STAG1: variants seen among roughly 807,000 people sequenced by gnomAD.
STAG1 encodes cohesin subunit SA-1.
A neutral mutation model predicts 170.9 loss-of-function variants in STAG1; 26 were observed. The ratio of observed to expected loss-of-function variants is 0.15; its 90% CI spans 0.11 to 0.21. The LOEUF is 0.21. Among genes scored for constraint, STAG1 ranks in the 10% least tolerant of loss-of-function variants. The pLI, the probability that STAG1 is intolerant of heterozygous loss-of-function variation, is 1.00. For synonymous variants in STAG1, 514 were observed against 497.7 expected (o/e 1.03, Z -0.44); for missense variants, 964 against 1,509.5 (o/e 0.64, Z 5.99).
At chr3:136,606,242 G>A (rs2107810496) in intron 3 of STAG1, among the ~76,000 whole-genome samples, 1 of 151,468 alleles carries the variant, frequency 6.6e-6, no homozygotes. Context: ...AGGCTGGAGT[G>A]CAGTGACACA....
chr3:136,505,847 A>C (rs978475358), intron 7 of STAG1, among the ~76,000 whole-genome samples: 1 of 152,216 alleles, frequency 6.6e-6, no homozygotes, highest in Non-Finnish European at 1.5e-5. Context: ...AAGTGAAGGA[A>C]TGGTCACATG....
chr3:136,382,647 G>T (rs1042713979), intron 22 of STAG1, among the ~76,000 whole-genome samples: 1 of 151,996 alleles, frequency 6.6e-6, no homozygotes, highest in Non-Finnish European at 1.5e-5. Context: ...CTGACCTTAG[G>T]TGATCTACCC....
chr3:136,342,453 G>C (rs1377569632), intron 30 of STAG1, among the ~76,000 whole-genome samples: 2 of 152,050 alleles, frequency 1.3e-5, no homozygotes, highest in Admixed American at 6.5e-5. Context: ...CGAGTAGCTG[G>C]GATCACAGGC....
intron 26 of STAG1, among the ~76,000 whole-genome samples, chr3:136,361,193 C>T (rs993049266): frequency 6.6e-6 from 1 of 152,174 alleles, no homozygotes; most frequent in African/African-American, 2.4e-5. Context: ...ATTACTTTTA[C>T]AGCTAAAGTT....
At chr3:136,550,726 T>G (rs1220804118) in intron 5 of STAG1, among the ~76,000 whole-genome samples, 1 of 152,108 alleles carries the variant, frequency 6.6e-6, no homozygotes, top group Non-Finnish European at 1.5e-5. Context: ...TCTCTTATGA[T>G]GTTTATTATT....
chr3:136,488,037 A>T (rs2090051481), intron 9 of STAG1, among the ~76,000 whole-genome samples: 1 of 152,236 alleles, frequency 6.6e-6, no homozygotes, highest in African/African-American at 2.4e-5. Context: ...GGATGCTTTG[A>T]TTGTAATCTT....
In STAG1 at chr3:136,591,233, A is replaced by AAGGG. The variant is rs895927331; in HGVS notation, c.297+13072_297+13075dup. Among the ~76,000 whole-genome samples the AAGGG allele has an allele frequency of 2.1e-4, 27 of 129,280 alleles. No homozygotes were observed. The East Asian group carries it at 4.2e-3, about 20-fold the overall frequency. The allele number at this position is 129,280 out of a possible 152,430, so 84.8% of individuals were successfully genotyped here. On this transcript the variant is annotated intron_variant, in intron 4 of 33. Coordinates refer to ENST00000383202, the MANE Select transcript of STAG1 (RefSeq NM_005862.3). ...GTCTTTTTTCAAAAAAAAAAAAAAG[A>AAGGG]AGGGAGGGAGGGAGGGAGGAAGGGA...
chr3:136,478,785 C>A (rs1026229374), intron 9 of STAG1, among the ~76,000 whole-genome samples: 2 of 152,074 alleles, frequency 1.3e-5, no homozygotes, highest in Admixed American at 1.3e-4. Flanking sequence ...TTGATAGTAT[C>A]TTTTTCTCAT....
chr3:136,553,600 C>T (rs972224759), intron 5 of STAG1, among the ~76,000 whole-genome samples: 1 of 152,066 alleles, frequency 6.6e-6, no homozygotes, highest in African/African-American at 2.4e-5. Flanking sequence ...ATGGTGAAAC[C>T]TTGTCTCTAC....
At chr3:136,445,650 C>T (rs1327590315) in intron 14 of STAG1, among the ~76,000 whole-genome samples, 1 of 152,058 alleles carries the variant, frequency 6.6e-6, no homozygotes, top group East Asian at 1.9e-4. Flanking sequence ...TGCTTTTGTG[C>T]TTGATTATGT....
chr3:136,503,427 A>G (rs1933587210), intron 7 of STAG1, among the ~76,000 whole-genome samples: 1 of 152,226 alleles, frequency 6.6e-6, no homozygotes, highest in African/African-American at 2.4e-5. Flanking sequence ...AAATCTTATT[A>G]AACACTTTCA....
At chr3:136,665,967 C>T (rs1302379417) in intron 1 of STAG1, among the ~76,000 whole-genome samples, 3 of 138,750 alleles carry the variant, frequency 2.2e-5, no homozygotes, top group South Asian at 4.8e-4. Context: ...CCCAGCTACT[C>T]GTGAGGCTAA....
chr3:136,471,180 CACATCTGTTA>C (rs2089618402), intron 12 of STAG1, among the ~76,000 whole-genome samples: 2 of 150,750 alleles, frequency 1.3e-5, no homozygotes, highest in Non-Finnish European at 3.0e-5. Flanking sequence ...GTGCTATGAT[CACATCTGTTA>C]ACACACTCCA....
intron 1 of STAG1, among the ~76,000 whole-genome samples, chr3:136,675,334 G>A (rs1035608072): frequency 2.0e-5 from 3 of 152,152 alleles, no homozygotes; most frequent in African/African-American, 7.2e-5. Flanking sequence ...ACAGCCATAT[G>A]CAAACATGAG....
intron 4 of STAG1, among the ~76,000 whole-genome samples, chr3:136,569,690 T>C (rs1020702624): frequency 7.2e-5 from 11 of 151,984 alleles, no homozygotes; most frequent in Non-Finnish European, 1.0e-4. Context: ...ATAGGAAAAT[T>C]TGACAAGGTA....
intron 26 of STAG1, among the ~76,000 whole-genome samples, chr3:136,363,127 TC>T (rs1195058800): frequency 2.0e-5 from 3 of 152,134 alleles, no homozygotes; most frequent in Non-Finnish European, 4.4e-5. Context: ...TTTCATCTAG[TC>T]CAAGAATAAA....
At chr3:136,508,487 A>G (rs1213693874) in intron 7 of STAG1, among the ~76,000 whole-genome samples, 3 of 152,190 alleles carry the variant, frequency 2.0e-5, no homozygotes, top group African/African-American at 7.2e-5. Flanking sequence ...CAGGAGTTCA[A>G]GACCAGCCTG....
chr3:136,564,187 T>A (rs1369666235), intron 5 of STAG1, among the ~76,000 whole-genome samples: 1 of 152,204 alleles, frequency 6.6e-6, no homozygotes, highest in East Asian at 1.9e-4. Context: ...TAACAAATAA[T>A]GTTGCATTAA....
intron 22 of STAG1, among the ~76,000 whole-genome samples, chr3:136,398,536 T>C (rs1321598825): frequency 1.3e-5 from 2 of 152,110 alleles, no homozygotes; most frequent in South Asian, 2.1e-4. Context: ...CACACATAAC[T>C]ATGTGTCTTT....
Sources: allele counts gnomAD v4.1 joint callset (sites outside exome capture counted in the v4.1 genomes callset), GRCh38; gene constraint gnomAD v4.1.1; transcripts MANE v1.5; gene names NCBI Gene and HGNC (gene_info 2026-07-23, HGNC 2026-07-21).